SLC44A5: variants seen among roughly 807,000 people sequenced by gnomAD.
SLC44A5 encodes the protein choline transporter-like protein 5.
SLC44A5 carries 57 observed loss-of-function variants against 101.8 expected under a neutral mutation model. The ratio of observed to expected loss-of-function variants is 0.56; its 90% CI spans 0.45 to 0.70. The LOEUF is 0.70. SLC44A5 is among the 30% of genes least tolerant of loss of function. The pLI is 0.00. For missense variants in SLC44A5, 737 were observed against 853.1 expected (o/e 0.86, Z 1.70); for synonymous variants, 281 against 290.9 (o/e 0.97, Z 0.35).
chr1:75,217,085 C>T (rs888696141), intron 18 of SLC44A5, among the ~76,000 whole-genome samples: 3 of 151,870 alleles, frequency 2.0e-5, no homozygotes, highest in African/African-American at 4.8e-5. Flanking sequence ...AGTTTTTGTG[C>T]TTTTGTTTAG....
At chr1:75,564,751 C>T (rs1672703169) in intron 1 of SLC44A5, among the ~76,000 whole-genome samples, 1 of 152,038 alleles carries the variant, frequency 6.6e-6, no homozygotes. Context: ...TCCCAAGTAG[C>T]TGGGACTACA....
intron 4 of SLC44A5, among the ~76,000 whole-genome samples, chr1:75,308,524 G>C (rs1267535649): frequency 6.6e-6 from 1 of 152,102 alleles, no homozygotes; most frequent in Non-Finnish European, 1.5e-5. Flanking sequence ...ATAATATTCA[G>C]TAATCTGTCA....
At chr1:75,621,342 A>G in the SLC44A5 span, among the ~76,000 whole-genome samples, 1 of 152,124 alleles carries the variant, frequency 6.6e-6, no homozygotes, top group African/African-American at 2.4e-5. Context: ...AGCCATGCCA[A>G]GACTACACAT....
At chr1:75,711,148 T>A in the SLC44A5 span, among the ~76,000 whole-genome samples, 1 of 152,184 alleles carries the variant, frequency 6.6e-6, no homozygotes, top group East Asian at 1.9e-4. Context: ...ATTGGTAAAA[T>A]CCTGACTGGC....
rs367636457 is a variant in SLC44A5 at position 75,275,940 on chromosome 1, T to G, written c.176-898A>C. Among the ~76,000 whole-genome samples, 5 of 152,166 alleles carry G rather than the reference T, an allele frequency of 3.3e-5. No homozygotes were observed. In the East Asian group the frequency reaches 9.6e-4, roughly 29 times the overall value. The stretch of plus-strand genomic sequence containing the variant: ...GCTTCCTTTAACATTTGCCCAGCTA[T>G]CTCCCTCCCCACATTTATTGGATTT... On this transcript the variant is annotated intron_variant, in intron 5 of 23. Transcript: ENST00000370859.
chr1:75,661,805 C>T, the SLC44A5 span, among the ~76,000 whole-genome samples: 3 of 152,082 alleles, frequency 2.0e-5, no homozygotes, highest in South Asian at 2.1e-4. Flanking sequence ...GATATCACCT[C>T]ATCCCAGTTA....
At chr1:75,659,441 G>GAAGGAAGGAAGGA in the SLC44A5 span, among the ~76,000 whole-genome samples, 3 of 21,808 alleles carry the variant, frequency 1.4e-4, no homozygotes, top group Non-Finnish European at 2.8e-4. Context: ...GGGAGGGAGG[G>GAAGGAAGGAAGGA]AGGGAAGGAA....
At chr1:75,236,108 C>G (rs929534241) in intron 11 of SLC44A5, among the ~76,000 whole-genome samples, 2 of 152,004 alleles carry the variant, frequency 1.3e-5, no homozygotes, top group African/African-American at 4.8e-5. Flanking sequence ...GGAAAGGAAA[C>G]AGAATGTGCA....
intron 4 of SLC44A5, among the ~76,000 whole-genome samples, chr1:75,328,334 T>C (rs1461294417): frequency 6.6e-6 from 1 of 152,172 alleles, no homozygotes; most frequent in Non-Finnish European, 1.5e-5. Context: ...CACAGGTATG[T>C]TGGTCTGACA....
chr1:75,294,888 A>G lies in SLC44A5; in HGVS notation c.175+5724T>C, dbSNP rs75582584. Reference sequence around the variant, plus strand: ...GCCAGGATCTGGGGGTGTGGGAGAAATTAGGAGATAATGGATAAAAAGTAA... The same window carrying G: ...GCCAGGATCTGGGGGTGTGGGAGAAGTTAGGAGATAATGGATAAAAAGTAA... On this transcript the variant is annotated intron_variant, in intron 5 of 23. Transcript: ENST00000370859. Among the ~76,000 whole-genome samples the G allele has an allele frequency of 6.0e-3, 910 of 152,292 alleles. 64 individuals carry two copies. In the East Asian group the frequency reaches 0.15, roughly 25 times the overall value.
chr1:75,550,867 A>G (rs556961652), intron 1 of SLC44A5, among the ~76,000 whole-genome samples: 1 of 152,276 alleles, frequency 6.6e-6, no homozygotes, highest in South Asian at 2.1e-4. Flanking sequence ...GATGCCCATG[A>G]CCCAGTCTAG....
intron 4 of SLC44A5, among the ~76,000 whole-genome samples, chr1:75,333,985 G>A (rs943938946): frequency 1.3e-5 from 2 of 152,080 alleles, no homozygotes; most frequent in Non-Finnish European, 2.9e-5. Flanking sequence ...CTGCCTGAAT[G>A]CTTTGACCCT....
At chr1:75,389,117 A>C (rs954506001) in intron 3 of SLC44A5, among the ~76,000 whole-genome samples, 2 of 152,214 alleles carry the variant, frequency 1.3e-5, no homozygotes, top group Admixed American at 1.3e-4. Flanking sequence ...CGTTCATTTA[A>C]ACAAAAAAGA....
chr1:75,317,065 A>G (rs1486131939), intron 4 of SLC44A5, among the ~76,000 whole-genome samples: 1 of 152,250 alleles, frequency 6.6e-6, no homozygotes, highest in Non-Finnish European at 1.5e-5. Flanking sequence ...AGAAGAGATG[A>G]AGTTTGTAGA....
intron 2 of SLC44A5, among the ~76,000 whole-genome samples, chr1:75,476,192 A>AG (rs1162516899): frequency 2.6e-5 from 4 of 151,732 alleles, no homozygotes; most frequent in African/African-American, 9.7e-5. Flanking sequence ...CAAAAAAAAA[A>AG]GTATATATAT....
intron 2 of SLC44A5, among the ~76,000 whole-genome samples, chr1:75,431,949 T>G (rs1396853781): frequency 6.6e-6 from 1 of 152,138 alleles, no homozygotes; most frequent in African/African-American, 2.4e-5. Flanking sequence ...GTGTCGAATT[T>G]TAGTGCATTC....
chr1:75,616,106 C>T (rs948237166), upstream of SLC44A5, among the ~76,000 whole-genome samples: 7 of 151,934 alleles, frequency 4.6e-5, no homozygotes, highest in South Asian at 2.1e-4. Flanking sequence ...CGCTGGCCCC[C>T]CTCTTGCGCT....
rs377235892 is a variant in SLC44A5, at chr1:75,267,024, C to T, written c.260+7934G>A. 2.2e-4 allele frequency among the ~76,000 whole-genome samples: 34 copies of T among 152,270 alleles called. No individual in the cohort carries two copies. The South Asian group carries it at 6.4e-3, about 29-fold the overall frequency. ...GCACACTGCGCCGAACACAATAGAT[C>T]GAATCCATAGCTTTCTTGACTTTAT... On this transcript the variant is annotated intron_variant, in intron 6 of 23. Coordinates refer to ENST00000370859, the MANE Select transcript of SLC44A5 (RefSeq NM_001130058.2).
chr1:75,537,651 C>T (rs1671129900), intron 2 of SLC44A5, among the ~76,000 whole-genome samples: 1 of 152,134 alleles, frequency 6.6e-6, no homozygotes, highest in Non-Finnish European at 1.5e-5. Flanking sequence ...AGGGGGTGGC[C>T]AGTGGGCATC....
Sources: gnomAD v4.1 joint callset for allele counts (sites outside exome capture counted in the v4.1 genomes callset) on GRCh38, gnomAD v4.1.1 for gene constraint, MANE v1.5 for transcripts, NCBI Gene and HGNC (gene_info 2026-07-23, HGNC 2026-07-21) for gene names.